KRCC1: variants seen among roughly 807,000 people sequenced by gnomAD.
KRCC1 encodes lysine-rich coiled-coil protein 1.
Under a neutral mutation model 7.4 loss-of-function variants are expected in KRCC1, and 3 were observed. The observed-to-expected ratio is 0.40, with a 90% CI of 0.18 to 1.04. The LOEUF is 1.04. Ranked by LOEUF, KRCC1 falls within the 50% of genes least tolerant of loss-of-function variation. The probability of loss-of-function intolerance (pLI) is 0.33; values close to 1 mark genes in which losing one functional copy is unlikely to be tolerated. For missense variants in KRCC1, 277 were observed against 300.9 expected, an observed-to-expected ratio of 0.92 and a Z score of 0.59; for synonymous variants, 102 against 101.6, an observed-to-expected ratio of 1.00 and a Z score of -0.02.
rs370718569 is a variant in KRCC1 at position 88,042,493 on chromosome 2, G to A, written c.-290-5442C>T. On this transcript the variant is annotated intron_variant, in intron 1 of 3. Coordinates refer to ENST00000347055, the MANE Select transcript of KRCC1 (RefSeq NM_016618.3). ...GAGTGCAGAGGCATGATCATAGCTC[G>A]CTGCAGCCTTAACTCCCGGGCTCAA... Among the ~76,000 whole-genome samples the A allele has an allele frequency of 9.1e-4, 134 of 147,616 alleles. 5 individuals are homozygous for A. In the South Asian group the frequency reaches 0.028, roughly 31 times the overall value.
Position 88,028,543 on chromosome 2 carries a change from T to C in KRCC1, c.21A>G (p.Thr7=), listed in dbSNP as rs372253513. ...CAAGTTCATCTTGAAAAGAGTCATATGTCTTCTTTGAATGCTTCATTAGGT... is the reference window on the plus strand; with the variant it reads ...CAAGTTCATCTTGAAAAGAGTCATACGTCTTCTTTGAATGCTTCATTAGGT... MKHSKK[T]YDSFQDELED... The change falls in exon 4 of 4, where the codon ACA becomes ACG. Residue 7 remains threonine, a synonymous_variant. Coordinates refer to ENST00000347055, the MANE Select transcript of KRCC1 (RefSeq NM_016618.3). 2.5e-6 allele frequency: 4 copies of C among 1,611,258 alleles called. No homozygotes were observed. In the African/African-American group the frequency reaches 4.0e-5, roughly 16 times the overall value.
At chr2:88,048,201 G>A (rs761224222) in intron 1 of KRCC1, among the ~76,000 whole-genome samples, 9 of 151,758 alleles carry the variant, frequency 5.9e-5, no homozygotes, top group Non-Finnish European at 1.2e-4. Flanking sequence ...TCCTGCCTCA[G>A]CCTCCTGAGT....
At chr2:88,046,615 T>G (rs1573083814) in intron 1 of KRCC1, among the ~76,000 whole-genome samples, 1 of 152,254 alleles carries the variant, frequency 6.6e-6, no homozygotes, top group Non-Finnish European at 1.5e-5. Context: ...TTATGGAAGT[T>G]GAAGGATGGA....
At chr2:88,029,876 C>T (rs1311030640) in intron 3 of KRCC1, among the ~76,000 whole-genome samples, 146 of 142,346 alleles carry the variant, frequency 1.0e-3, no homozygotes, top group Admixed American at 1.2e-3. Context: ...GAGATGGAGT[C>T]TTGCCCTATC....
chr2:88,038,540 G>A (rs1454494408), intron 1 of KRCC1, among the ~76,000 whole-genome samples: 1 of 152,172 alleles, frequency 6.6e-6, no homozygotes, highest in African/African-American at 2.4e-5. Flanking sequence ...TTTATTCTGG[G>A]CCAGAGATAC....
In KRCC1 at chr2:88,027,586, G is replaced by A; in HGVS notation, c.*198C>T. ...AAATTACACTATATGTTCAAAAAATGTAATAATGCTTTTAGAAAATGAGGA... is the reference window on the plus strand; with the variant it reads ...AAATTACACTATATGTTCAAAAAATATAATAATGCTTTTAGAAAATGAGGA... On this transcript the variant is annotated 3_prime_UTR_variant, in exon 4 of 4. Transcript: ENST00000347055. 2.1e-6 allele frequency: 1 copy of A among 487,066 alleles called. No individual in the cohort carries two copies. Among genetic ancestry groups the A allele is most frequent in the Non-Finnish European group, 3.6e-6 (1 of 279,346 alleles). 30.2% of individuals were successfully genotyped at this position (487,066 alleles called of 1,614,324 possible).
At chr2:88,050,354 T>C (rs1050595796) in intron 1 of KRCC1, among the ~76,000 whole-genome samples, 2 of 152,140 alleles carry the variant, frequency 1.3e-5, no homozygotes, top group Non-Finnish European at 2.9e-5. Context: ...GGTGCGGTGG[T>C]TCACACCTGT....
At chr2:88,042,796 A>G (rs1673242395) in intron 1 of KRCC1, among the ~76,000 whole-genome samples, 1 of 152,210 alleles carries the variant, frequency 6.6e-6, no homozygotes, top group South Asian at 2.1e-4. Flanking sequence ...ATATGCATTC[A>G]GTCTATGACT....
intron 1 of KRCC1, among the ~76,000 whole-genome samples, chr2:88,044,278 G>A (rs2104619477): frequency 6.6e-6 from 1 of 152,192 alleles, no homozygotes; most frequent in African/African-American, 2.4e-5. Flanking sequence ...AACTGGCTGG[G>A]CACAGTGGCT....
At chr2:88,052,562 G>C (rs114289732) in intron 1 of KRCC1, among the ~76,000 whole-genome samples, 3 of 104,892 alleles carry the variant, frequency 2.9e-5, no homozygotes, top group Admixed American at 9.0e-5. Context: ...TGAGGTTTCA[G>C]CCCTTTGGGC....
chr2:88,052,923 A>G (rs1386996228), intron 1 of KRCC1, among the ~76,000 whole-genome samples: 1 of 152,210 alleles, frequency 6.6e-6, no homozygotes, highest in Non-Finnish European at 1.5e-5. Flanking sequence ...TAAAAAAAGT[A>G]CTTTTCCCAC....
In KRCC1 at chr2:88,028,163, T is replaced by C; in HGVS notation, c.401A>G (p.His134Arg). Residue 134 changes from histidine to arginine, a missense_variant, in exon 4 of 4, where the codon CAT becomes CGT. By Grantham distance (29) the His-to-Arg change is conservative. Coordinates refer to ENST00000347055, the MANE Select transcript of KRCC1 (RefSeq NM_016618.3). ...EYICGSHGVEHRVYKHFSSDN... is the reference protein window; with the variant it reads ...EYICGSHGVERRVYKHFSSDN... The stretch of plus-strand genomic sequence containing the variant: ...TGAGGAGAAGTGCTTGTAAACTCTA[T>C]GTTCTACACCATGTGAGCCACAAAT... The C allele has an allele frequency of 6.2e-7, 1 of 1,614,158 alleles. No individual in the cohort carries two copies. The highest frequency in any genetic ancestry group is 1.1e-5 in the South Asian group (1 of 91,084).
chr2:88,044,067 G>A (rs1673276420), intron 1 of KRCC1, among the ~76,000 whole-genome samples: 1 of 152,170 alleles, frequency 6.6e-6, no homozygotes, highest in East Asian at 1.9e-4. Flanking sequence ...GCACAGAAAG[G>A]TTAAGGAACA....
At chr2:88,045,300 G>T (rs1394692628) in intron 1 of KRCC1, among the ~76,000 whole-genome samples, 1 of 152,086 alleles carries the variant, frequency 6.6e-6, no homozygotes, top group African/African-American at 2.4e-5. Flanking sequence ...AGCTTTATTT[G>T]TAACAGCCAA....
At chr2:88,029,854 A>ATCT (rs749965230) in intron 3 of KRCC1, among the ~76,000 whole-genome samples, 1 of 138,388 alleles carries the variant, frequency 7.2e-6, no homozygotes, top group Admixed American at 7.3e-5. Flanking sequence ...ATATATATAT[A>ATCT]TTTTTTTTTT....
rs1208406365 is a variant in KRCC1 at position 88,028,375 on chromosome 2, G to A, written c.189C>T (p.Leu63=). The part of the protein sequence containing the change: ...RPTYRMFDQR[L]PSETIQTYPR... ...GGTAGGTCTGGATGGTTTCAGATGG[G>A]AGTCTCTGGTCAAACATTCTATACG... is the stretch of plus-strand genomic sequence containing the variant. The change falls in exon 4 of 4, where the codon CTC becomes CTT. Residue 63 remains leucine, a synonymous_variant. Coordinates refer to ENST00000347055, the MANE Select transcript of KRCC1 (RefSeq NM_016618.3). 3.1e-6 allele frequency: 5 copies of A among 1,614,006 alleles called. No homozygotes were observed. Among genetic ancestry groups the A allele is most frequent in the African/African-American group, 1.3e-5 (1 of 74,898 alleles).
chr2:88,037,463 TA>T (rs919231898), intron 1 of KRCC1, among the ~76,000 whole-genome samples: 1 of 152,172 alleles, frequency 6.6e-6, no homozygotes, highest in Admixed American at 6.5e-5. Flanking sequence ...AAACCATCTT[TA>T]TTTTTTTTTT....
Position 88,055,633 on chromosome 2 carries a change from G to A in KRCC1, c.-298C>T, listed in dbSNP as rs1673605471. 1 of 152,288 alleles carries A rather than the reference G, an allele frequency of 6.6e-6. No homozygotes were observed. Among genetic ancestry groups the A allele is most frequent in the Non-Finnish European group, 1.5e-5 (1 of 68,222 alleles). The allele number at this position is 152,288 out of a possible 1,614,324, so 9.4% of individuals were successfully genotyped here. ...GCCGGGGCGGGAACTCACCTTCTCT[G>A]AGGCAGGGGCGGGCGTCTACAACTA... On this transcript the variant is annotated 5_prime_UTR_variant, in exon 1 of 4. Transcript: ENST00000347055.
chr2:88,036,693 AC>A (rs1425717939), intron 2 of KRCC1, among the ~76,000 whole-genome samples: 1 of 152,196 alleles, frequency 6.6e-6, no homozygotes, highest in Non-Finnish European at 1.5e-5. Flanking sequence ...AAGAACTGAT[AC>A]AGTGGCTTTC....
Sources: allele counts gnomAD v4.1 joint callset (sites outside exome capture counted in the v4.1 genomes callset), GRCh38; gene constraint gnomAD v4.1.1; transcripts MANE v1.5; gene names NCBI Gene and HGNC (gene_info 2026-07-23, HGNC 2026-07-21).